ANO3: variants seen among roughly 807,000 people sequenced by gnomAD.
The protein encoded by ANO3 is anoctamin-3.
A neutral mutation model predicts 144.8 loss-of-function variants in ANO3; 99 were observed. The observed-to-expected ratio is 0.68, with a 90% CI of 0.58 to 0.81. The LOEUF is 0.81. ANO3 is among the 30% of genes least tolerant of loss of function. ANO3 has a pLI of 0.00. For synonymous variants in ANO3, 414 were observed against 392.6 expected, an observed-to-expected ratio of 1.05 and a Z score of -0.64; for missense variants, 905 against 1,202.2, an observed-to-expected ratio of 0.75 and a Z score of 3.66.
Position 26,656,914 on chromosome 11 carries a change from T to G in ANO3, c.2763+433T>G, listed in dbSNP as rs575149613. Among the ~76,000 whole-genome samples, 36 of 152,298 alleles carry G rather than the reference T, an allele frequency of 2.4e-4. No homozygotes were observed. In the Middle Eastern group the frequency reaches 0.017, roughly 72 times the overall value. On this transcript the variant is annotated intron_variant, in intron 26 of 26. Transcript: ENST00000256737. The stretch of plus-strand genomic sequence containing the variant: ...ATTTGTGTAAGCAACACTGGATGGT[T>G]CAATAAATTGTGCTTGAGAACATTT...
chr11:26,267,917 C>T (rs1853350900), intron 1 of ANO3, among the ~76,000 whole-genome samples: 1 of 151,878 alleles, frequency 6.6e-6, no homozygotes, highest in African/African-American at 2.4e-5. Context: ...GAATCATATG[C>T]TAAAATAAAA....
chr11:26,571,608 T>TCTAATACTTAAAGCAAAAACCTTTCAG (rs1850831077), intron 14 of ANO3, among the ~76,000 whole-genome samples: 1 of 152,110 alleles, frequency 6.6e-6, no homozygotes, highest in African/African-American at 2.4e-5. Flanking sequence ...AGCAAAAACC[T>TCTAATACTTAAAGCAAAAACCTTTCAG]CTAATACTTA....
chr11:26,561,677 T>C (rs1850299718), intron 14 of ANO3, among the ~76,000 whole-genome samples: 2 of 152,110 alleles, frequency 1.3e-5, no homozygotes, highest in South Asian at 4.1e-4. Flanking sequence ...GGCTAAACCA[T>C]TTAAGGTGGA....
chr11:26,609,444 G>A (rs1460855001), intron 17 of ANO3, among the ~76,000 whole-genome samples: 1 of 151,566 alleles, frequency 6.6e-6, no homozygotes, highest in Non-Finnish European at 1.5e-5. Flanking sequence ...GCAGGTGCAG[G>A]ATATCACATG....
Position 26,544,273 on chromosome 11 carries a change from T to TATATATATATATATACACACACACAC in ANO3, c.1154+2206_1154+2207insTATATATATATATACACACACACACA. On this transcript the variant is annotated intron_variant, in intron 11 of 26. Coordinates refer to ENST00000256737, the MANE Select transcript of ANO3 (RefSeq NM_031418.4). ...ATACATATATATATATATATATATATACACACATACACACACACACACACA... is the reference window on the plus strand; with the variant it reads ...ATACATATATATATATATATATATATATATATATATATATACACACACACACACACACATACACACACACACACACA... Among the ~76,000 whole-genome samples, 45 of 58,546 alleles carry TATATATATATATATACACACACACAC rather than the reference T, an allele frequency of 7.7e-4. 1 individual carries two copies. The highest frequency in any genetic ancestry group is 2.9e-3 in the Admixed American group (14 of 4,824). The allele number at this position is 58,546 out of a possible 152,430, so 38.4% of individuals were successfully genotyped here.
intron 1 of ANO3, among the ~76,000 whole-genome samples, chr11:26,219,143 CA>C (rs1191466777): frequency 2.0e-5 from 3 of 151,694 alleles, no homozygotes; most frequent in Admixed American, 6.6e-5. Context: ...GAATTGTGAC[CA>C]AAAAAAGAAA....
chr11:26,625,398 A>C (rs1852551998), intron 18 of ANO3, among the ~76,000 whole-genome samples: 1 of 152,098 alleles, frequency 6.6e-6, no homozygotes. Flanking sequence ...GTCCCCCGAC[A>C]CTCCATCTTT....
In ANO3 at chr11:26,482,322, G is replaced by A. The variant is rs1222124090; in HGVS notation, c.432+19174G>A. ...ATGTTGGTGTTTCTTGAATCATGTG[G>A]AATATGATGGAGATTAGTTTTGTGA... On this transcript the variant is annotated intron_variant, in intron 4 of 26. Coordinates refer to ENST00000256737, the MANE Select transcript of ANO3 (RefSeq NM_031418.4). 2.0e-5 allele frequency among the ~76,000 whole-genome samples: 3 copies of A among 152,016 alleles called. No homozygotes were observed. The East Asian group carries it at 5.8e-4, about 29-fold the overall frequency.
chr11:26,318,279 A>G (rs1427285901), intron 1 of ANO3, among the ~76,000 whole-genome samples: 3 of 152,186 alleles, frequency 2.0e-5, no homozygotes, highest in African/African-American at 7.2e-5. Context: ...ATTAAGCCTC[A>G]GAGTCCTATT....
chr11:26,377,998 A>C (rs575235641), intron 1 of ANO3, among the ~76,000 whole-genome samples: 1 of 152,210 alleles, frequency 6.6e-6, no homozygotes, highest in South Asian at 2.1e-4. Flanking sequence ...ACCAGGAAAC[A>C]CTAACTAGAT....
At chr11:26,275,372 AT>A (rs1218569435) in intron 1 of ANO3, among the ~76,000 whole-genome samples, 1 of 152,168 alleles carries the variant, frequency 6.6e-6, no homozygotes, top group Non-Finnish European at 1.5e-5. Flanking sequence ...GTGAAATATG[AT>A]TCTTTAGAGA....
At chr11:26,239,773 G>A (rs1057288447) in intron 1 of ANO3, among the ~76,000 whole-genome samples, 3 of 152,152 alleles carry the variant, frequency 2.0e-5, no homozygotes, top group African/African-American at 7.2e-5. Context: ...TTTGTTCAAT[G>A]AGTAATAAAT....
chr11:26,335,881 A>G (rs936998584), intron 1 of ANO3, among the ~76,000 whole-genome samples: 2 of 152,230 alleles, frequency 1.3e-5, no homozygotes, highest in African/African-American at 4.8e-5. Flanking sequence ...GTGTTTATGA[A>G]GAAGATATAC....
At chr11:26,406,470 T>A (rs1049460876) in intron 1 of ANO3, among the ~76,000 whole-genome samples, 1 of 151,856 alleles carries the variant, frequency 6.6e-6, no homozygotes, top group Non-Finnish European at 1.5e-5. Context: ...CCATTTTATA[T>A]TTCTATAGAA....
At chr11:26,194,226 T>C (rs1397848190) in intron 1 of ANO3, among the ~76,000 whole-genome samples, 1 of 152,158 alleles carries the variant, frequency 6.6e-6, no homozygotes, top group Non-Finnish European at 1.5e-5. Context: ...AAATCCTATG[T>C]AGTACAAACT....
rs183311518 is a variant in ANO3, at chr11:26,232,984, G to A, written c.154+43654G>A. On this transcript the variant is annotated intron_variant, in intron 1 of 27. Coordinates refer to the ANO3 transcript ENST00000672621. ...TGTAATCCCAGCACTTTGGGAGGCC[G>A]AGGCAGGCGGATCACGAGGTCAGGA... Among the ~76,000 whole-genome samples, 1,161 of 152,254 alleles carry A rather than the reference G, an allele frequency of 7.6e-3. 17 individuals are homozygous for A. Among genetic ancestry groups the A allele is most frequent in the African/African-American group, 0.027 (1,107 of 41,552 alleles).
At chr11:26,500,716 T>A (rs1477770140) in intron 4 of ANO3, among the ~76,000 whole-genome samples, 4 of 152,026 alleles carry the variant, frequency 2.6e-5, no homozygotes, top group Non-Finnish European at 5.9e-5. Context: ...ATCAGATGTT[T>A]GGTTTCTGAA....
chr11:26,509,460 C>A (rs948585400), intron 5 of ANO3, among the ~76,000 whole-genome samples: 3 of 151,906 alleles, frequency 2.0e-5, no homozygotes, highest in African/African-American at 7.3e-5. Flanking sequence ...TTACAGGAAC[C>A]GATCACCGTG....
chr11:26,407,818 C>T (rs1374508858), intron 1 of ANO3, among the ~76,000 whole-genome samples: 1 of 151,772 alleles, frequency 6.6e-6, no homozygotes, highest in Non-Finnish European at 1.5e-5. Context: ...ATCTTTGTCC[C>T]CTACCCCACT....
Sources: allele counts gnomAD v4.1 joint callset (sites outside exome capture counted in the v4.1 genomes callset), GRCh38; gene constraint gnomAD v4.1.1; transcripts MANE v1.5; gene names NCBI Gene and HGNC (gene_info 2026-07-23, HGNC 2026-07-21).